Variants in COL18A1 observed in about 807,000 individuals in gnomAD.
COL18A1 encodes the protein collagen alpha-1(XVIII) chain.
COL18A1 carries 133 observed loss-of-function variants against 168.0 expected under a neutral mutation model. That is an observed-to-expected ratio of 0.79 (90% CI 0.69 to 0.91). The LOEUF is 0.91. Among genes scored for constraint, COL18A1 ranks in the 40% least tolerant of loss-of-function variants. The pLI, the probability that COL18A1 is intolerant of heterozygous loss-of-function variation, is 0.00. For synonymous variants in COL18A1, 949 were observed against 809.0 expected, an observed-to-expected ratio of 1.17 and a Z score of -2.94; for missense variants, 2,126 against 1,925.4, an observed-to-expected ratio of 1.10 and a Z score of -1.95.
chr21:45,478,405 A>G, intron 9 of COL18A1, 52 bp downstream of exon 9: 1 of 1,613,274 alleles, frequency 6.2e-7, no homozygotes. Context: ...GTTTGCTTAG[A>G]CCCCAGGGCT....
intron 2 of COL18A1, among the ~76,000 whole-genome samples, chr21:45,418,503 C>T (rs775911328): frequency 1.3e-5 from 2 of 152,204 alleles, no homozygotes; most frequent in African/African-American, 2.4e-5. Flanking sequence ...GGCTCTGGGG[C>T]GGCGCTTGCC....
intron 38 of COL18A1, among the ~76,000 whole-genome samples, chr21:45,509,090 G>A (rs190032716): frequency 3.3e-5 from 5 of 151,784 alleles, no homozygotes; most frequent in African/African-American, 7.3e-5. Flanking sequence ...GTCAGGGCAC[G>A]TGGTGAGTGA....
At chr21:45,439,013 C>A (rs1277617242) in intron 2 of COL18A1, among the ~76,000 whole-genome samples, 1 of 152,178 alleles carries the variant, frequency 6.6e-6, no homozygotes, top group African/African-American at 2.4e-5. Context: ...TTTGGCAGGG[C>A]CGTTCCCAGC....
intron 32 of COL18A1, among the ~76,000 whole-genome samples, chr21:45,501,649 G>A (rs2036830953): frequency 6.6e-6 from 1 of 152,092 alleles, no homozygotes; most frequent in Non-Finnish European, 1.5e-5. Context: ...CCAGGTGGTG[G>A]GGCCTCCACA....
At chr21:45,455,646 G>A in intron 2 of COL18A1, 2 of 1,613,956 alleles carry the variant, frequency 1.2e-6, no homozygotes, top group Non-Finnish European at 1.7e-6. Flanking sequence ...GAGGACACCA[G>A]CCATGCAGCT....
intron 2 of COL18A1, among the ~76,000 whole-genome samples, chr21:45,422,024 TCA>T (rs2033640141): frequency 6.6e-6 from 1 of 152,066 alleles, no homozygotes; most frequent in Admixed American, 6.6e-5. Flanking sequence ...CACATGGCTG[TCA>T]CACACACAGG....
At chr21:45,506,262 C>T (rs570504439) in intron 37 of COL18A1, 5 of 430,724 alleles carry the variant, frequency 1.2e-5, no homozygotes, top group East Asian at 4.9e-5. Flanking sequence ...CTCACACACC[C>T]GATAATAAGA....
intron 22 of COL18A1, among the ~76,000 whole-genome samples, chr21:45,491,843 G>C (rs1463600251): frequency 1.3e-5 from 2 of 152,202 alleles, no homozygotes; most frequent in African/African-American, 4.8e-5. Context: ...TGGAACACAG[G>C]GACCAAGCCC....
At chr21:45,438,289 T>C (rs1464769412) in intron 2 of COL18A1, among the ~76,000 whole-genome samples, 4 of 67,510 alleles carry the variant, frequency 5.9e-5, no homozygotes, top group African/African-American at 1.5e-4. Context: ...GGCACTCTCC[T>C]GCACACACAC....
chr21:45,434,102 A>G (rs1448999421), intron 2 of COL18A1, among the ~76,000 whole-genome samples: 2 of 152,032 alleles, frequency 1.3e-5, no homozygotes, highest in Non-Finnish European at 1.5e-5. Flanking sequence ...GAGCAGGTGC[A>G]TGGGCCAGGT....
At position 45,473,579 on chromosome 21, in the gene COL18A1, G is replaced by C. The variant is rs79940942; in HGVS notation, c.652-316G>C. 2.0e-5 allele frequency among the ~76,000 whole-genome samples: 3 copies of C among 152,090 alleles called. No individual in the cohort carries two copies. The highest frequency in any genetic ancestry group is 6.5e-5 in the Admixed American group (1 of 15,276). ...TGCCCGCCCTCCCAGGCCTTGGATC[G>C]AGCCACACCTGCTGTGGTTCTAAAC... On this transcript the variant is annotated intron_variant, in intron 3 of 41. Transcript: ENST00000651438. This position sits in a 1 kb window ranked among gnomAD's most constrained non-coding sequence, Gnocchi z 4.0.
chr21:45,479,905 G>A lies in COL18A1; in HGVS notation c.1252G>A (p.Asp418Asn), dbSNP rs748428793. The change falls in exon 10 of 42, where the codon GAC becomes AAC. Residue 418 changes from aspartate (D) to asparagine (N), a missense_variant. Coordinates refer to ENST00000651438, the MANE Select transcript of COL18A1 (RefSeq NM_001379500.1). ...GCCCCCGGATGTTGTGTTCCAGGGC[G>A]ACACCGGGCCACAAGGCTTCCCCGG... is the stretch of plus-strand genomic sequence containing the variant. ...GDPGEDGKPG[D>N]TGPQGFPGTP... 2.0e-5 allele frequency: 32 copies of A among 1,613,568 alleles called. No homozygotes were observed. The highest frequency in any genetic ancestry group is 3.3e-5 in the South Asian group (3 of 91,054).
intron 32 of COL18A1, 57 bp downstream of exon 32, chr21:45,497,718 G>GTGGTC: frequency 6.5e-7 from 1 of 1,548,090 alleles, no homozygotes; most frequent in South Asian, 1.2e-5. Context: ...GCACTGAAGT[G>GTGGTC]TGGTCACACC....
At chr21:45,434,043 A>T (rs1228901194) in intron 2 of COL18A1, among the ~76,000 whole-genome samples, 3 of 151,420 alleles carry the variant, frequency 2.0e-5, no homozygotes, top group Non-Finnish European at 4.4e-5. Flanking sequence ...CAGGTGTGTG[A>T]GCAGGTGCAT....
At position 45,507,566 on chromosome 21, in the gene COL18A1, G is replaced by A. The variant is rs1313449651; in HGVS notation, c.3222G>A (p.Glu1074=). The change falls in exon 38 of 42, where the codon GAG becomes GAA. Residue 1074 remains glutamate (E), a synonymous_variant. Coordinates refer to ENST00000651438, the MANE Select transcript of COL18A1 (RefSeq NM_001379500.1). ...ACCCTGCTGCTTTCTTCCAGCTGGA[G>A]GCCCGGACACCACTCCCACGAGGGA... ...VQNGFRKVQL[E]ARTPLPRGTD... is the part of the protein sequence containing the mutation. The A allele has an allele frequency of 3.7e-6, 6 of 1,612,694 alleles. No individual in the cohort carries two copies. The highest frequency in any genetic ancestry group is 5.1e-6 in the Non-Finnish European group (6 of 1,179,836).
Position 45,488,446 on chromosome 21 carries a change from T to C in COL18A1, c.1923+2T>C. On this transcript the variant is annotated splice_donor_variant, in intron 18 of 41. Transcript: ENST00000651438. LOFTEE classifies it high-confidence loss of function. ...CCTCCCGGCCTGCCGGGACTTAAGG[T>C]CAGTGACGGATATGTCTGGGTTTCT... The C allele has an allele frequency of 6.2e-7, 1 of 1,613,872 alleles. No individual in the cohort carries two copies. The highest frequency in any genetic ancestry group is 8.5e-7 in the Non-Finnish European group (1 of 1,180,004).
chr21:45,496,936 T>G, intron 30 of COL18A1, 114 bp from the exon 31 acceptor site: 1 of 750,788 alleles, frequency 1.3e-6, no homozygotes, highest in Non-Finnish European at 2.4e-6. Flanking sequence ...TGGGGGAGGC[T>G]GCTATGTGGC....
rs1254029422 is a variant in COL18A1, at chr21:45,443,058, G to T, written c.107-25184G>T. ...TGTGGGCGGCGGTGCTGGTGTGGGC[G>T]GTGGTGGTGCTGGTGTGGGTGGTGG... On this transcript the variant is annotated intron_variant, in intron 2 of 41. Coordinates refer to ENST00000651438, the MANE Select transcript of COL18A1 (RefSeq NM_001379500.1). This position sits in a 1 kb window ranked among gnomAD's most constrained non-coding sequence, Gnocchi z 5.2. Among the ~76,000 whole-genome samples, 1 of 130,898 alleles carries T rather than the reference G, an allele frequency of 7.6e-6. No homozygotes were observed. Among genetic ancestry groups the T allele is most frequent in the Non-Finnish European group, 1.6e-5 (1 of 62,330 alleles). The allele number at this position is 130,898 out of a possible 152,430, so 85.9% of individuals were successfully genotyped here.
chr21:45,434,234 T>C (rs1297892940), intron 2 of COL18A1, among the ~76,000 whole-genome samples: 1 of 151,514 alleles, frequency 6.6e-6, no homozygotes, highest in African/African-American at 2.4e-5. Flanking sequence ...CAGGAGGGGG[T>C]TGTGGCAGGG....
Sources: allele counts gnomAD v4.1 joint callset (sites outside exome capture counted in the v4.1 genomes callset), GRCh38; gene constraint gnomAD v4.1.1; non-coding constraint Gnocchi (gnomAD v3.1); transcripts MANE v1.5; gene names NCBI Gene and HGNC (gene_info 2026-07-23, HGNC 2026-07-21).